The following XKRX variants were observed in gnomAD, a reference collection of about 807,000 sequenced individuals.
XKRX encodes the protein XK related X-linked.
XKRX carries 11 observed loss-of-function variants against 22.4 expected under a neutral mutation model. The observed-to-expected ratio is 0.49, with a 90% CI of 0.31 to 0.81. The LOEUF (loss-of-function observed/expected upper bound fraction) is 0.81, where lower values mean the gene tolerates loss of function less well. Ranked by LOEUF, XKRX falls within the 40% of genes least tolerant of loss-of-function variation. The probability of loss-of-function intolerance (pLI) is 0.05; values close to 1 mark genes in which losing one functional copy is unlikely to be tolerated. For synonymous variants in XKRX, 114 were observed against 132.2 expected (o/e 0.86, Z 0.94); for missense variants, 320 against 336.5 (o/e 0.95, Z 0.38).
the XKRX span, among the ~76,000 whole-genome samples, chrX:100,946,929 A>G: frequency 1.3e-4 from 15 of 112,194 alleles, no homozygotes; most frequent in Middle Eastern, 4.6e-3. Context: ...TACCTGGTAC[A>G]CCACCTGTGA....
chrX:100,931,866 AGC>A (rs199901874), upstream of XKRX, among the ~76,000 whole-genome samples: 1,356 of 111,597 alleles, frequency 0.012, 19 homozygotes, highest in African/African-American at 0.042. Context: ...TGTCTCATTC[AGC>A]CATCAGCTCA....
chrX:100,908,531 G>A (rs1372550818), downstream of XKRX, among the ~76,000 whole-genome samples: 1 of 111,735 alleles, frequency 8.9e-6, no homozygotes, highest in African/African-American at 3.3e-5. Flanking sequence ...TTTCCGCTAT[G>A]TACCCCAGAG....
In XKRX at chrX:100,914,668, G is replaced by C. The variant is rs61740851; in HGVS notation, c.1020C>G (p.Val340=). The C allele has an allele frequency of 2.5e-6, 3 of 1,209,889 alleles. No individual in the cohort carries two copies. The highest frequency in any genetic ancestry group is 3.4e-6 in the Non-Finnish European group (3 of 895,313). Residue 340 remains valine (V), a synonymous_variant, in exon 3 of 3, where the codon GTC becomes GTG. Transcript: ENST00000372956. The part of the protein sequence containing the change: ...LQLRLADRDL[V]DKGQNWGHMG... ...TATGTCCCCAGTTCTGCCCTTTGTC[G>C]ACGAGATCTCTGTCTGCCAACCTCA... is the stretch of plus-strand genomic sequence containing the variant.
At chrX:100,951,207 T>C in the XKRX span, among the ~76,000 whole-genome samples, 1 of 91,934 alleles carries the variant, frequency 1.1e-5, no homozygotes. Flanking sequence ...GCACTCCAGC[T>C]TGGGCGACAA....
chrX:100,927,167 C>T (rs1190855290), intron 1 of XKRX, among the ~76,000 whole-genome samples: 3 of 110,413 alleles, frequency 2.7e-5, no homozygotes, highest in East Asian at 2.9e-4. Flanking sequence ...AACGAGATCC[C>T]GTCTCTACAA....
At chrX:100,899,429 C>T in the XKRX span, among the ~76,000 whole-genome samples, 1 of 112,191 alleles carries the variant, frequency 8.9e-6, no homozygotes, top group South Asian at 3.7e-4. Context: ...GGGGGAGGAT[C>T]ACTGGCGCCT....
chrX:100,936,506 A>C, the XKRX span, among the ~76,000 whole-genome samples: 2 of 86,851 alleles, frequency 2.3e-5, no homozygotes, highest in Non-Finnish European at 4.3e-5. Flanking sequence ...ATGCCACTGC[A>C]CTCCAGCCTG....
At chrX:100,916,312 A>C (rs772021641) in intron 2 of XKRX, among the ~76,000 whole-genome samples, 1 of 112,422 alleles carries the variant, frequency 8.9e-6, no homozygotes, top group South Asian at 3.7e-4. Flanking sequence ...CAGTTTTAGA[A>C]ATCTTTTTCT....
intron 1 of XKRX, among the ~76,000 whole-genome samples, chrX:100,927,475 A>G (rs1227184101): frequency 9.0e-6 from 1 of 110,936 alleles, no homozygotes; most frequent in Non-Finnish European, 1.9e-5. Flanking sequence ...CCCGGCCTAT[A>G]AAAATTTTTT....
the XKRX span, among the ~76,000 whole-genome samples, chrX:100,888,931 A>G: frequency 2.3e-4 from 26 of 110,970 alleles, no homozygotes; most frequent in Non-Finnish European, 4.7e-4. Flanking sequence ...GCCCTAGAAT[A>G]TGACCTTATT....
chrX:100,917,645 G>GAAAGAAAGAAAGAAAGAAAGAAAGA (rs2085445764), intron 2 of XKRX, among the ~76,000 whole-genome samples: 1 of 52,152 alleles, frequency 1.9e-5, no homozygotes, highest in Non-Finnish European at 3.3e-5. Flanking sequence ...AAGAAAGAAA[G>GAAAGAAAGAAAGAAAGAAAGAAAGA]AAAGAAAGAA....
upstream of XKRX, among the ~76,000 whole-genome samples, chrX:100,934,235 T>C (rs1451582938): frequency 8.9e-6 from 1 of 112,047 alleles, no homozygotes; most frequent in Non-Finnish European, 1.9e-5. Flanking sequence ...AATACTACAC[T>C]GTATGGATCT....
chrX:100,911,400 C>A (rs1441328404), downstream of XKRX: 1 of 788,844 alleles, frequency 1.3e-6, no homozygotes, highest in Non-Finnish European at 2.0e-6. Context: ...GGACTTGTGA[C>A]GCAAAGAGGC....
Position 100,922,848 on chromosome X carries a change from C to T in XKRX, c.549G>A (p.Gln183=), listed in dbSNP as rs2085479864. ...QIQAFLGSVP[Q]LTYQLYVSLI... ...GGCTCACATAGAGCTGATAGGTCAG[C>T]TGGGGCACTGAGCCCAGGAAGGCTT... The change falls in exon 2 of 3, where the codon CAG becomes CAA. Residue 183 remains glutamine (Q), a synonymous_variant. Coordinates refer to ENST00000372956, the MANE Select transcript of XKRX (RefSeq NM_212559.3). The T allele has an allele frequency of 5.0e-6, 6 of 1,211,347 alleles. No individual in the cohort carries two copies. The East Asian group carries it at 1.8e-4, about 36-fold the overall frequency.
At chrX:100,900,788 C>CT in the XKRX span, among the ~76,000 whole-genome samples, 10,831 of 89,214 alleles carry the variant, frequency 0.12, 839 homozygotes, top group Middle Eastern at 0.16. Flanking sequence ...TCACAATCTC[C>CT]TTTTTTTTTT....
chrX:100,888,539 A>G, the XKRX span: 20 of 591,726 alleles, frequency 3.4e-5, no homozygotes, highest in African/African-American at 3.4e-4. Context: ...CAACTCTCCA[A>G]TGAAGAGCTT....
At chrX:100,890,959 G>A in the XKRX span, among the ~76,000 whole-genome samples, 1 of 111,872 alleles carries the variant, frequency 8.9e-6, no homozygotes, top group Non-Finnish European at 1.9e-5. Context: ...CTCCCCTGAG[G>A]TTCTGTGAAT....
the XKRX span, among the ~76,000 whole-genome samples, chrX:100,954,273 G>A: frequency 1.8e-5 from 2 of 111,094 alleles, no homozygotes; most frequent in East Asian, 5.6e-4. Flanking sequence ...ACAAAACTTA[G>A]CCAGGTGTGG....
At chrX:100,909,959 C>T (rs1303531199), downstream of XKRX, among the ~76,000 whole-genome samples, 2 of 101,994 alleles carry the variant, frequency 2.0e-5, no homozygotes, top group African/African-American at 3.5e-5. Flanking sequence ...AGTACCGTGC[C>T]AGGAATATAG....
Sources: allele counts gnomAD v4.1 joint callset (sites outside exome capture counted in the v4.1 genomes callset), GRCh38; gene constraint gnomAD v4.1.1; transcripts MANE v1.5; gene names NCBI Gene and HGNC (gene_info 2026-07-23, HGNC 2026-07-21).